PIWIL4: variants seen among roughly 807,000 people sequenced by gnomAD.
The protein encoded by PIWIL4 is piwi like RNA-mediated gene silencing 4.
PIWIL4 carries 50 observed loss-of-function variants against 100.9 expected under a neutral mutation model. The ratio of observed to expected loss-of-function variants is 0.50; its 90% CI spans 0.39 to 0.63. The LOEUF (loss-of-function observed/expected upper bound fraction) is 0.63. Among genes scored for constraint, PIWIL4 ranks in the 20% least tolerant of loss-of-function variants. The probability of loss-of-function intolerance (pLI) is 0.00; values close to 1 mark genes in which losing one functional copy is unlikely to be tolerated. For missense variants in PIWIL4, 887 were observed against 1,043.3 expected, an observed-to-expected ratio of 0.85 and a Z score of 2.06; for synonymous variants, 342 against 367.5, an observed-to-expected ratio of 0.93 and a Z score of 0.79.
At chr11:94,573,567 TTC>T (rs1948190767) in intron 2 of PIWIL4, among the ~76,000 whole-genome samples, 1 of 152,182 alleles carries the variant, frequency 6.6e-6, no homozygotes, top group Non-Finnish European at 1.5e-5. Flanking sequence ...TTGCCTTTGG[TTC>T]TGTTTATGTG....
intron 2 of PIWIL4, among the ~76,000 whole-genome samples, chr11:94,571,097 C>T (rs946081740): frequency 6.6e-6 from 1 of 152,104 alleles, no homozygotes; most frequent in Non-Finnish European, 1.5e-5. Flanking sequence ...GTTTTCCAGT[C>T]CTGTGTATGT....
Position 94,607,473 on chromosome 11 carries a change from A to G in PIWIL4, c.1673A>G (p.Tyr558Cys), listed in dbSNP as rs758041557. The change falls in exon 14 of 20, where the codon TAT becomes TGT. Residue 558 changes from tyrosine (Y) to cysteine (C), a missense_variant. By Grantham distance (194) the Tyr-to-Cys change is radical. Around this residue, in one of 2 missense-constraint regions of PIWIL4, gnomAD observed 741 missense variants for 930.0 expected, o/e 0.80. Transcript: ENST00000299001. ...MCILPSNQKT[Y>C]YDSIKKYLSS... ...ATTCTGCCTTCTAATCAGAAGACCTATTATGATTCCATTAAAAAATATTTG... is the reference window on the plus strand; with the variant it reads ...ATTCTGCCTTCTAATCAGAAGACCTGTTATGATTCCATTAAAAAATATTTG... The G allele has an allele frequency of 2.5e-6, 4 of 1,614,072 alleles. No individual in the cohort carries two copies. The Admixed American group carries it at 6.7e-5, about 27-fold the overall frequency.
chr11:94,593,766 C>A, intron 9 of PIWIL4, 125 bp downstream of exon 9: 1 of 1,081,860 alleles, frequency 9.2e-7, no homozygotes, highest in Non-Finnish European at 1.3e-6. Context: ...GAGGATGGTC[C>A]TTTTAAGTAA....
At chr11:94,588,678 G>A (rs1423947723) in intron 7 of PIWIL4, among the ~76,000 whole-genome samples, 1 of 152,206 alleles carries the variant, frequency 6.6e-6, no homozygotes, top group Non-Finnish European at 1.5e-5. Context: ...GGTAGGTTAA[G>A]CAAGATGCCA....
At chr11:94,591,169 GC>G (rs963151093) in intron 8 of PIWIL4, among the ~76,000 whole-genome samples, 1 of 152,042 alleles carries the variant, frequency 6.6e-6, no homozygotes, top group Non-Finnish European at 1.5e-5. Context: ...GCATAGTTTG[GC>G]CCCCTCTTTC....
chr11:94,598,275 T>A (rs1173691944), intron 11 of PIWIL4, among the ~76,000 whole-genome samples: 1 of 152,220 alleles, frequency 6.6e-6, no homozygotes, highest in Non-Finnish European at 1.5e-5. Context: ...TGTTTTCTGA[T>A]ACCAAAACTG....
At chr11:94,597,411 T>C (rs975409311) in intron 10 of PIWIL4, among the ~76,000 whole-genome samples, 3 of 152,256 alleles carry the variant, frequency 2.0e-5, no homozygotes, top group African/African-American at 7.2e-5. Flanking sequence ...GTGAGCACTT[T>C]CTGTGCATTA....
At chr11:94,616,375 C>A in intron 15 of PIWIL4, 118 bp from the exon 16 acceptor site, 2 of 883,288 alleles carry the variant, frequency 2.3e-6, no homozygotes, top group Non-Finnish European at 3.4e-6. Context: ...ATAACACATA[C>A]AAAATTGCGA....
At chr11:94,603,957 A>G (rs1353930473) in intron 12 of PIWIL4, 27 bp from the exon 13 acceptor site, 1 of 1,483,040 alleles carries the variant, frequency 6.7e-7, no homozygotes, top group Admixed American at 1.7e-5. Flanking sequence ...GAAGTTACAT[A>G]GCTTCAAAAT....
chr11:94,588,055 A>G (rs1345453346), intron 7 of PIWIL4, among the ~76,000 whole-genome samples: 1 of 152,136 alleles, frequency 6.6e-6, no homozygotes, highest in Non-Finnish European at 1.5e-5. Flanking sequence ...ATCAACCATC[A>G]CCTAGGTATT....
chr11:94,606,323 A>G (rs907700154), intron 13 of PIWIL4, among the ~76,000 whole-genome samples: 1 of 152,136 alleles, frequency 6.6e-6, no homozygotes, highest in Non-Finnish European at 1.5e-5. Flanking sequence ...ATTTAAAAAT[A>G]TTTTTCTTCA....
intron 14 of PIWIL4, among the ~76,000 whole-genome samples, chr11:94,607,944 G>A (rs1948742249): frequency 6.6e-6 from 1 of 152,136 alleles, no homozygotes; most frequent in African/African-American, 2.4e-5. Flanking sequence ...CTAACTCTGA[G>A]AATAGCCTTG....
At chr11:94,590,086 A>G (rs2135264675) in intron 8 of PIWIL4, among the ~76,000 whole-genome samples, 1 of 152,270 alleles carries the variant, frequency 6.6e-6, no homozygotes, top group East Asian at 1.9e-4. Flanking sequence ...AAAAACAAAA[A>G]CCCTTTCTTG....
intron 2 of PIWIL4, among the ~76,000 whole-genome samples, chr11:94,569,325 C>T (rs886202643): frequency 6.6e-6 from 1 of 151,488 alleles, no homozygotes; most frequent in Non-Finnish European, 1.5e-5. Context: ...GAAAGCATGT[C>T]TTGTAGCAAC....
At chr11:94,599,158 A>G (rs1004695599) in intron 11 of PIWIL4, among the ~76,000 whole-genome samples, 2 of 152,242 alleles carry the variant, frequency 1.3e-5, no homozygotes, top group Non-Finnish European at 2.9e-5. Context: ...AGAGTTCAGT[A>G]AAGAGAAGCT....
chr11:94,621,117 GA>G lies in PIWIL4; in HGVS notation c.*132del, dbSNP rs34504891. ...GATTGAGCTTAGTTTTCATGTCTAGGAAAAAAAGCAAAACAACTTAATCTGA... is the reference window on the plus strand; with the variant it reads ...GATTGAGCTTAGTTTTCATGTCTAGGAAAAAAGCAAAACAACTTAATCTGA... On this transcript the variant is annotated 3_prime_UTR_variant, in exon 20 of 20. Transcript: ENST00000299001. The G allele has an allele frequency of 7.6e-4, 472 of 624,916 alleles. 1 individual carries two copies. Among genetic ancestry groups the G allele is most frequent in the African/African-American group, 7.1e-3 (380 of 53,788 alleles). 38.7% of individuals were successfully genotyped at this position (624,916 alleles called of 1,614,324 possible).
intron 5 of PIWIL4, among the ~76,000 whole-genome samples, chr11:94,585,231 A>G (rs1360950040): frequency 6.6e-6 from 1 of 152,236 alleles, no homozygotes; most frequent in Non-Finnish European, 1.5e-5. Context: ...ACAGATAAAA[A>G]TAATTTCAGT....
rs1948903380 is a variant in PIWIL4 at position 94,621,390 on chromosome 11, TTAAATAGTTGAAAA to T, written c.*403_*416del. Reference sequence around the variant, plus strand: ...GTTGTAGAGCATTTTGTAGAGTGGTTTAAATAGTTGAAAATAAAGTTCAGAACATCATGTGTTTA... The same window carrying T: ...GTTGTAGAGCATTTTGTAGAGTGGTTTAAAGTTCAGAACATCATGTGTTTA... On this transcript the variant is annotated 3_prime_UTR_variant, in exon 20 of 20. Transcript: ENST00000299001. 6.1e-6 allele frequency: 1 copy of T among 164,934 alleles called. No homozygotes were observed. The allele number at this position is 164,934 out of a possible 1,614,324, so 10.2% of individuals were successfully genotyped here.
At chr11:94,586,922 A>T in intron 6 of PIWIL4, 128 bp from the exon 7 acceptor site, 1 of 938,554 alleles carries the variant, frequency 1.1e-6, no homozygotes, top group Non-Finnish European at 1.6e-6. Context: ...GGAAGAAATC[A>T]GACTAAAGAA....
Sources: allele counts gnomAD v4.1 joint callset (sites outside exome capture counted in the v4.1 genomes callset), GRCh38; gene constraint gnomAD v4.1.1; regional missense constraint gnomAD v4.1.1; transcripts MANE v1.5; gene names NCBI Gene and HGNC (gene_info 2026-07-23, HGNC 2026-07-21).